Variants in SMURF1 observed in about 807,000 individuals in gnomAD.
SMURF1 encodes SMAD specific E3 ubiquitin protein ligase 1.
SMURF1 carries 44 observed loss-of-function variants against 98.0 expected under a neutral mutation model. The ratio of observed to expected loss-of-function variants is 0.45; its 90% CI spans 0.35 to 0.58. SMURF1 has a LOEUF of 0.58. Ranked by LOEUF, SMURF1 falls within the 20% of genes least tolerant of loss-of-function variation. SMURF1 has a pLI of 0.00. For synonymous variants in SMURF1, 396 were observed against 374.9 expected (o/e 1.06, Z -0.65); for missense variants, 687 against 938.4 (o/e 0.73, Z 3.50).
intron 1 of SMURF1, among the ~76,000 whole-genome samples, chr7:99,072,617 T>C (rs929259083): frequency 6.6e-6 from 1 of 152,054 alleles, no homozygotes; most frequent in African/African-American, 2.4e-5. Context: ...GACTCCAGCC[T>C]GGAGACAGAG....
chr7:99,091,491 G>C (rs1796809717), intron 1 of SMURF1, among the ~76,000 whole-genome samples: 1 of 152,262 alleles, frequency 6.6e-6, no homozygotes, highest in Middle Eastern at 3.4e-3. Context: ...CCTTAGCTCA[G>C]AATAATCTCT....
At chr7:99,107,898 C>G (rs968686093) in intron 1 of SMURF1, among the ~76,000 whole-genome samples, 1 of 152,298 alleles carries the variant, frequency 6.6e-6, no homozygotes, top group African/African-American at 2.4e-5. Flanking sequence ...TATATACACA[C>G]CTGACCCAGA....
intron 17 of SMURF1, 71 bp downstream of exon 17, chr7:99,032,964 CAA>C: frequency 2.3e-6 from 3 of 1,308,714 alleles, no homozygotes; most frequent in Admixed American, 2.4e-5. Context: ...AAAAAAACAA[CAA>C]AAAAAAAACG....
intron 1 of SMURF1, among the ~76,000 whole-genome samples, chr7:99,121,912 C>T (rs979449866): frequency 5.3e-5 from 8 of 152,170 alleles, no homozygotes; most frequent in Admixed American, 1.3e-4. Context: ...AACCAGGGAG[C>T]GGCGAGGGGA....
rs772691458 is a variant in SMURF1 at position 99,057,240 on chromosome 7, G to C, written c.368C>G (p.Pro123Arg). ...GCCACGAACTGCATCAGTATCTGAG[G>C]GGTTTAGTTTGCATAGATCCAAACG... ...YQRLDLCKLN[P>R]SDTDAVRGQI... Residue 123 changes from proline to arginine, a missense_variant, in exon 5 of 18, where the codon CCC (proline) becomes CGC (arginine). By Grantham distance (103) the Pro-to-Arg change is moderately radical (BLOSUM62 -2). Around this residue, in one of 2 missense-constraint regions of SMURF1, gnomAD observed 415 missense variants for 508.4 expected, o/e 0.82. Transcript: ENST00000361368. 9 of 1,613,880 alleles carry C rather than the reference G, an allele frequency of 5.6e-6. No individual in the cohort carries two copies. The highest frequency in any genetic ancestry group is 7.6e-6 in the Non-Finnish European group (9 of 1,179,966).
At chr7:99,042,999 C>A (rs568276416) in intron 11 of SMURF1, among the ~76,000 whole-genome samples, 13 of 152,282 alleles carry the variant, frequency 8.5e-5, no homozygotes, top group Non-Finnish European at 1.8e-4. Context: ...GATGAGACTC[C>A]GAATCCTATA....
intron 1 of SMURF1, among the ~76,000 whole-genome samples, chr7:99,116,403 T>C (rs1022958590): frequency 1.3e-5 from 2 of 152,146 alleles, no homozygotes; most frequent in Admixed American, 6.5e-5. Flanking sequence ...GGTATCTGGA[T>C]TGGAATGGAA....
intron 1 of SMURF1, among the ~76,000 whole-genome samples, chr7:99,085,324 G>A (rs558530081): frequency 2.1e-5 from 3 of 144,512 alleles, no homozygotes; most frequent in Non-Finnish European, 4.5e-5. Flanking sequence ...TTGCACTCCA[G>A]CCTGGGTGAC....
intron 1 of SMURF1, among the ~76,000 whole-genome samples, 196 bp from the exon 2 acceptor site, chr7:99,062,033 A>G (rs1035959783): frequency 7.9e-5 from 12 of 152,202 alleles, no homozygotes; most frequent in Admixed American, 3.9e-4. Context: ...AAGATCAGCT[A>G]TAACAAATAC....
intron 1 of SMURF1, among the ~76,000 whole-genome samples, chr7:99,134,398 G>T (rs943137544): frequency 1.6e-4 from 25 of 152,100 alleles, no homozygotes; most frequent in African/African-American, 5.8e-4. Flanking sequence ...ACAGACGGGA[G>T]GTATTAGTAT....
chr7:99,107,073 G>A (rs916327427), intron 1 of SMURF1, among the ~76,000 whole-genome samples: 12 of 152,168 alleles, frequency 7.9e-5, no homozygotes, highest in African/African-American at 2.9e-4. Flanking sequence ...GAACAAGATT[G>A]AACAAAGATG....
Position 99,142,112 on chromosome 7 carries a change from G to A in SMURF1, c.55+1614C>T, listed in dbSNP as rs978259616. On this transcript the variant is annotated intron_variant, in intron 1 of 17. Coordinates refer to ENST00000361368, the MANE Select transcript of SMURF1 (RefSeq NM_181349.3). Reference sequence around the variant, plus strand: ...CTGGTCCAGAACCTCTGGAGCCCGGGGGGAAACAGGTTGGCATCACATCCG... The same window carrying A: ...CTGGTCCAGAACCTCTGGAGCCCGGAGGGAAACAGGTTGGCATCACATCCG... Among the ~76,000 whole-genome samples, 7 of 152,360 alleles carry A rather than the reference G, an allele frequency of 4.6e-5. No homozygotes were observed. The South Asian group carries it at 8.3e-4, about 18-fold the overall frequency.
At chr7:99,055,980 T>A (rs1795867742) in intron 5 of SMURF1, among the ~76,000 whole-genome samples, 1 of 152,110 alleles carries the variant, frequency 6.6e-6, no homozygotes, top group Admixed American at 6.6e-5. Context: ...AAAAAATGAA[T>A]AAAGACACAG....
At chr7:99,091,955 T>C (rs986239675) in intron 1 of SMURF1, among the ~76,000 whole-genome samples, 1 of 152,186 alleles carries the variant, frequency 6.6e-6, no homozygotes, top group Non-Finnish European at 1.5e-5. Context: ...GATATGGATT[T>C]TGAAGTCATC....
At chr7:99,049,750 T>C (rs766806493) in intron 8 of SMURF1, 41 bp from the exon 9 acceptor site, 53 of 1,589,310 alleles carry the variant, frequency 3.3e-5, no homozygotes, top group Non-Finnish European at 4.3e-5. Flanking sequence ...TCCAACTGAG[T>C]ATGGAGGAAT....
chr7:99,041,223 A>G (rs1373657051), intron 12 of SMURF1, among the ~76,000 whole-genome samples: 1 of 152,062 alleles, frequency 6.6e-6, no homozygotes, highest in Non-Finnish European at 1.5e-5. Context: ...CCAACATGGC[A>G]AAACCCCATC....
At chr7:99,040,611 G>C (rs1470804799) in intron 12 of SMURF1, 55 bp from the exon 13 acceptor site, 19 of 1,358,574 alleles carry the variant, frequency 1.4e-5, no homozygotes, top group Non-Finnish European at 1.8e-5. Context: ...GCCAATGTGG[G>C]AATCTCGTGC....
intron 10 of SMURF1, among the ~76,000 whole-genome samples, chr7:99,046,714 A>G (rs1050502905): frequency 1.5e-5 from 2 of 132,832 alleles, no homozygotes; most frequent in African/African-American, 5.7e-5. Flanking sequence ...CCTGGGCAAC[A>G]GTGCAAGACT....
In SMURF1 at chr7:99,144,030, C is replaced by T; in HGVS notation, c.-250G>A. ...CCCAGTCCCGAGCCGCCGCCGCCTC[C>T]GCCGCCGCCTCCGCCGCCTCCACCA... is the stretch of plus-strand genomic sequence containing the variant. On this transcript the variant is annotated 5_prime_UTR_variant, in exon 1 of 18. Coordinates refer to ENST00000361368, the MANE Select transcript of SMURF1 (RefSeq NM_181349.3). 3.8e-6 allele frequency: 1 copy of T among 264,976 alleles called. No individual in the cohort carries two copies. The highest frequency in any genetic ancestry group is 1.1e-3 in the Middle Eastern group (1 of 878). The allele number at this position is 264,976 out of a possible 1,614,324, so 16.4% of individuals were successfully genotyped here. A position where few individuals can be genotyped will look rare whatever the true frequency, so the allele number is the denominator to read the frequency against.
Sources: allele counts gnomAD v4.1 joint callset (sites outside exome capture counted in the v4.1 genomes callset), GRCh38; gene constraint gnomAD v4.1.1; regional missense constraint gnomAD v4.1.1; transcripts MANE v1.5; gene names NCBI Gene and HGNC (gene_info 2026-07-23, HGNC 2026-07-21).